WWOX: variants seen among roughly 807,000 people sequenced by gnomAD.
WWOX encodes the protein WW domain containing oxidoreductase.
A neutral mutation model predicts 46.2 loss-of-function variants in WWOX; 69 were observed. The observed-to-expected ratio is 1.49, with a 90% CI of 1.23 to 1.82. WWOX has a LOEUF of 1.82. WWOX is among the 40% of genes most tolerant of loss of function. The pLI is 0.00. For missense variants in WWOX, 919 were observed against 542.6 expected, an observed-to-expected ratio of 1.69 and a Z score of -6.89; for synonymous variants, 359 against 202.6, an observed-to-expected ratio of 1.77 and a Z score of -6.56.
intron 5 of WWOX, among the ~76,000 whole-genome samples, chr16:78,199,630 A>G (rs2036168818): frequency 6.6e-6 from 1 of 152,200 alleles, no homozygotes; most frequent in Non-Finnish European, 1.5e-5. Context: ...TACAGGTTCT[A>G]AATCTCCTTA....
At chr16:78,383,509 C>T (rs1052109118) in intron 5 of WWOX, among the ~76,000 whole-genome samples, 2 of 152,124 alleles carry the variant, frequency 1.3e-5, no homozygotes, top group South Asian at 2.1e-4. Flanking sequence ...GTCTCTTGTC[C>T]TCGCCTAACA....
chr16:78,192,209 C>T (rs367974048), intron 5 of WWOX, among the ~76,000 whole-genome samples: 11 of 152,020 alleles, frequency 7.2e-5, no homozygotes, highest in Admixed American at 4.6e-4. Context: ...AAAAAGAAAA[C>T]GAAGGCCGGG....
chr16:78,976,951 T>A (rs2046584491), intron 8 of WWOX, among the ~76,000 whole-genome samples: 1 of 152,290 alleles, frequency 6.6e-6, no homozygotes, highest in Non-Finnish European at 1.5e-5. Flanking sequence ...TGGCTTAGAT[T>A]TGACACCTCT....
intron 8 of WWOX, among the ~76,000 whole-genome samples, chr16:79,084,258 G>A (rs2048814499): frequency 1.3e-5 from 2 of 152,298 alleles, no homozygotes; most frequent in South Asian, 4.1e-4. Context: ...GAAGGACACT[G>A]ACTGTGCTAG....
chr16:78,265,517 A>G (rs558542818), intron 5 of WWOX, among the ~76,000 whole-genome samples: 1 of 152,012 alleles, frequency 6.6e-6, no homozygotes, highest in East Asian at 2.0e-4. Context: ...CGTCTCTACT[A>G]AAAATACAAA....
intron 8 of WWOX, among the ~76,000 whole-genome samples, chr16:78,693,659 A>G (rs1481807111): frequency 1.3e-5 from 2 of 152,160 alleles, no homozygotes; most frequent in Non-Finnish European, 2.9e-5. Context: ...TGGTGCGGTG[A>G]CATAACTATT....
intron 8 of WWOX, among the ~76,000 whole-genome samples, chr16:78,652,915 G>C (rs565472654): frequency 1.3e-5 from 2 of 152,122 alleles, no homozygotes; most frequent in African/African-American, 2.4e-5. Flanking sequence ...CATATCATTT[G>C]TTACTTTGAA....
At chr16:78,459,584 G>A (rs1274783448) in intron 8 of WWOX, among the ~76,000 whole-genome samples, 1 of 152,130 alleles carries the variant, frequency 6.6e-6, no homozygotes, top group Non-Finnish European at 1.5e-5. Context: ...AAGCGATCAG[G>A]CATCAATGGC....
intron 5 of WWOX, among the ~76,000 whole-genome samples, chr16:78,195,821 C>CAAAA (rs148609646): frequency 2.0e-4 from 15 of 76,006 alleles, no homozygotes; most frequent in Non-Finnish European, 2.7e-4. Flanking sequence ...GACTCTGCCT[C>CAAAA]AAAAAAAAAA....
chr16:78,851,951 G>A (rs1210292308), intron 8 of WWOX, among the ~76,000 whole-genome samples: 2 of 152,098 alleles, frequency 1.3e-5, no homozygotes, highest in African/African-American at 4.8e-5. Context: ...CTTGGTTTCT[G>A]TACCTGTAAT....
chr16:78,712,437 G>A (rs2048463289), intron 8 of WWOX, among the ~76,000 whole-genome samples: 1 of 151,890 alleles, frequency 6.6e-6, no homozygotes, highest in South Asian at 2.1e-4. Context: ...AGGAGGCGGA[G>A]GTTGCAGTCA....
intron 8 of WWOX, among the ~76,000 whole-genome samples, chr16:78,469,955 G>A (rs2084181435): frequency 6.6e-6 from 1 of 152,208 alleles, no homozygotes; most frequent in Non-Finnish European, 1.5e-5. Flanking sequence ...ATTGTATGTT[G>A]GTACGTTATT....
intron 8 of WWOX, among the ~76,000 whole-genome samples, chr16:79,042,907 T>A (rs909150467): frequency 6.6e-6 from 1 of 152,206 alleles, no homozygotes; most frequent in Non-Finnish European, 1.5e-5. Context: ...GGATTTTAAG[T>A]GATGCGTCAG....
At chr16:78,885,996 C>G (rs191521611) in intron 8 of WWOX, among the ~76,000 whole-genome samples, 4 of 146,080 alleles carry the variant, frequency 2.7e-5, no homozygotes, top group Non-Finnish European at 4.5e-5. Flanking sequence ...ACCATCTTGG[C>G]TTGCTGCAAC....
At position 78,607,966 on chromosome 16, in the gene WWOX, C is replaced by G. The variant is rs377368844; in HGVS notation, c.1056+175214C>G. The stretch of plus-strand genomic sequence containing the variant: ...GGAAAGAAAATCGCAAAGTTAAAAT[C>G]TATCAAAGTATAATTAAATACCTAC... On this transcript the variant is annotated intron_variant, in intron 8 of 8. Transcript: ENST00000566780. Among the ~76,000 whole-genome samples, 42 of 152,266 alleles carry G rather than the reference C, an allele frequency of 2.8e-4. No homozygotes were observed. In the South Asian group the frequency reaches 8.7e-3, roughly 32 times the overall value.
intron 8 of WWOX, among the ~76,000 whole-genome samples, chr16:78,473,277 G>T (rs1200513128): frequency 2.0e-5 from 3 of 152,092 alleles, no homozygotes; most frequent in Non-Finnish European, 2.9e-5. Flanking sequence ...GTATAGACAC[G>T]TGGCACCACG....
At chr16:78,966,177 C>G (rs137908191) in intron 8 of WWOX, among the ~76,000 whole-genome samples, 2 of 152,076 alleles carry the variant, frequency 1.3e-5, no homozygotes, top group African/African-American at 4.8e-5. Flanking sequence ...TTTATTTTTC[C>G]GTGTGAAATA....
At chr16:78,638,401 C>G (rs1465675390) in intron 8 of WWOX, among the ~76,000 whole-genome samples, 2 of 152,282 alleles carry the variant, frequency 1.3e-5, no homozygotes, top group South Asian at 2.1e-4. Context: ...GTCTGCCTTT[C>G]CAACCGCTAC....
chr16:78,701,617 C>G (rs2048219961), intron 8 of WWOX, among the ~76,000 whole-genome samples: 2 of 152,002 alleles, frequency 1.3e-5, no homozygotes, highest in South Asian at 4.1e-4. Flanking sequence ...ACCTGCCTCC[C>G]CCACACTCCT....
Sources: gnomAD v4.1 joint callset for allele counts (sites outside exome capture counted in the v4.1 genomes callset) on GRCh38, gnomAD v4.1.1 for gene constraint, MANE v1.5 for transcripts, NCBI Gene and HGNC (gene_info 2026-07-23, HGNC 2026-07-21) for gene names.